CD68: variants seen among roughly 807,000 people sequenced by gnomAD.
CD68 encodes the protein macrosialin.
CD68 carries 24 observed loss-of-function variants against 31.3 expected under a neutral mutation model. The observed-to-expected ratio is 0.77, with a 90% CI of 0.55 to 1.08. CD68 has a LOEUF of 1.08. Among genes scored for constraint, CD68 ranks in the 50% least tolerant of loss-of-function variants. The pLI is 0.00. For synonymous variants in CD68, 190 were observed against 179.6 expected, an observed-to-expected ratio of 1.06 and a Z score of -0.46; for missense variants, 461 against 442.5, an observed-to-expected ratio of 1.04 and a Z score of -0.38.
rs1480306131 is a variant in CD68 at position 7,581,642 on chromosome 17, C to T, written c.*131C>T. On this transcript the variant is annotated 3_prime_UTR_variant, in exon 6 of 6. Transcript: ENST00000250092. Reference sequence around the variant, plus strand: ...CCTTTCTTGAAGAACAAAAAGAAAGCCGGGCATGACGGCTCATGCCTGTAA... The same window carrying T: ...CCTTTCTTGAAGAACAAAAAGAAAGTCGGGCATGACGGCTCATGCCTGTAA... The T allele has an allele frequency of 3.0e-6, 3 of 999,712 alleles. No homozygotes were observed. In the African/African-American group the frequency reaches 4.8e-5, roughly 16 times the overall value. 61.9% of individuals were successfully genotyped at this position (999,712 alleles called of 1,614,324 possible).
At chr17:7,581,148 T>G in intron 5 of CD68, 82 bp downstream of exon 5, 2 of 1,328,958 alleles carry the variant, frequency 1.5e-6, no homozygotes, top group African/African-American at 1.4e-5. Flanking sequence ...GCCACTCATC[T>G]CTCTTCTTAA....
chr17:7,580,111 A>G lies in CD68; in HGVS notation c.351A>G (p.Gly117=). 1 of 1,614,086 alleles carries G rather than the reference A, an allele frequency of 6.2e-7. No individual in the cohort carries two copies. The highest frequency in any genetic ancestry group is 2.2e-5 in the East Asian group (1 of 44,882). ...ATHSPATTSH[G]NATVHPTSNS... is the part of the protein sequence containing the mutation. ...ACAGTCCTGCCACCACTAGTCATGG[A>G]AATGCCACGGTTCATCCAACAAGCA... Residue 117 remains glycine, a synonymous_variant, in exon 2 of 6, where the codon GGA becomes GGG. Coordinates refer to ENST00000250092, the MANE Select transcript of CD68 (RefSeq NM_001251.3). The surrounding 1 kb of genome is among the most constrained non-coding windows in gnomAD (Gnocchi z 4.3).
Position 7,579,690 on chromosome 17 carries a change from G to A in CD68, c.13G>A (p.Val5Met), listed in dbSNP as rs759296087. The A allele has an allele frequency of 1.9e-6, 3 of 1,604,312 alleles. No homozygotes were observed. Among genetic ancestry groups the A allele is most frequent in the Non-Finnish European group, 2.6e-6 (3 of 1,176,238 alleles). MRLA[V>M]LFSGALLGLL... Reference sequence around the variant, plus strand: ...AGGCGGTTCAGCCATGAGGCTGGCTGTGCTTTTCTCGGGGGCCCTGCTGGG... The same window carrying A: ...AGGCGGTTCAGCCATGAGGCTGGCTATGCTTTTCTCGGGGGCCCTGCTGGG... The change falls in exon 1 of 6, where the codon GTG (valine) becomes ATG (methionine). Residue 5 changes from valine (V) to methionine (M), a missense_variant. Physicochemically the swap from Val to Met is conservative, Grantham distance 21. Transcript: ENST00000250092.
At position 7,580,660 on chromosome 17, in the gene CD68, CCTT is replaced by C; in HGVS notation, c.688-49_688-47del. 1 of 1,613,746 alleles carries C rather than the reference CCTT, an allele frequency of 6.2e-7. No individual in the cohort carries two copies. The highest frequency in any genetic ancestry group is 1.3e-5 in the African/African-American group (1 of 74,984). On this transcript the variant is annotated intron_variant, in intron 3 of 5. Coordinates refer to ENST00000250092, the MANE Select transcript of CD68 (RefSeq NM_001251.3). The surrounding 1 kb of genome is among the most constrained non-coding windows in gnomAD (Gnocchi z 4.3). Reference sequence around the variant, plus strand: ...TCCCCTCCCAATCCCACACGCTACTCCTTCCTCTGTGGAGAGGGATACCACCTG... The same window carrying C: ...TCCCCTCCCAATCCCACACGCTACTCCCTCTGTGGAGAGGGATACCACCTG...
chr17:7,581,564 T>C lies in CD68; in HGVS notation c.*53T>C, dbSNP rs1597856747. On this transcript the variant is annotated 3_prime_UTR_variant, in exon 6 of 6. Transcript: ENST00000250092. ...AGGGGGTTGGGGTGTGGTGGGGGGG[T>C]ACCCTTATTTCCTCGACACGCAACT... The C allele has an allele frequency of 1.9e-6, 3 of 1,577,922 alleles. No individual in the cohort carries two copies. Among genetic ancestry groups the C allele is most frequent in the Middle Eastern group, 1.7e-4 (1 of 5,970 alleles).
At chr17:7,581,242 C>G in intron 5 of CD68, 136 bp from the exon 6 acceptor site, 1 of 1,234,516 alleles carries the variant, frequency 8.1e-7, no homozygotes, top group Non-Finnish European at 1.2e-6. Flanking sequence ...CAGTTTCCCC[C>G]TTTTATCACT....
rs764061258 is a variant in CD68, at chr17:7,579,797, T to C, written c.50-13T>C. 8.7e-6 allele frequency: 14 copies of C among 1,609,986 alleles called. No homozygotes were observed. The highest frequency in any genetic ancestry group is 4.5e-5 in the East Asian group (2 of 44,798). ...CTGCCCTGGGTTGCTAACCATCTCC[T>C]CTCTGCCAAAAGCCCAGGGGACAGG... On this transcript the variant is annotated splice_polypyrimidine_tract_variant and intron_variant, in intron 1 of 5. Transcript: ENST00000250092.
rs1175304700 is a variant in CD68, at chr17:7,579,993, C to T, written c.233C>T (p.Thr78Ile). 1 of 1,609,274 alleles carries T rather than the reference C, an allele frequency of 6.2e-7. No individual in the cohort carries two copies. Among genetic ancestry groups the T allele is most frequent in the South Asian group, 1.1e-5 (1 of 90,912 alleles). ...ACCAGCCACGGACCCACGACTGCCA[C>T]TCACAACCCCACCACCACCAGCCAT... ...GTTSHGPTTA[T>I]HNPTTTSHGN... Residue 78 changes from threonine to isoleucine, a missense_variant, in exon 2 of 6, where the codon ACT (threonine) becomes ATT (isoleucine). Transcript: ENST00000250092.
rs748678269 is a variant in CD68 at position 7,579,732 on chromosome 17, G to A, written c.49+6G>A. 21 of 1,604,430 alleles carry A rather than the reference G, an allele frequency of 1.3e-5. No individual in the cohort carries two copies. The highest frequency in any genetic ancestry group is 1.1e-5 in the South Asian group (1 of 90,222). ...CCTGCTGGGGCTACTGGCAGGTAAG[G>A]AGGAAGGAGGCTGAGGGGAGGGGGC... On this transcript the variant is annotated splice_donor_region_variant and intron_variant, in intron 1 of 5. Coordinates refer to ENST00000250092, the MANE Select transcript of CD68 (RefSeq NM_001251.3).
Position 7,581,770 on chromosome 17 carries a change from T to G in CD68, c.*259T>G. On this transcript the variant is annotated 3_prime_UTR_variant, in exon 6 of 6. Transcript: ENST00000250092. ...AACCCTGTCTCTACTAAAAATACAA[T>G]TAGCCAGGTGTGGCGGCGTAATCCC... The G allele has an allele frequency of 2.5e-6, 1 of 401,074 alleles. No homozygotes were observed. Among genetic ancestry groups the G allele is most frequent in the Non-Finnish European group, 4.7e-6 (1 of 212,848 alleles). 24.8% of individuals were successfully genotyped at this position (401,074 alleles called of 1,614,324 possible).
At position 7,579,852 on chromosome 17, in the gene CD68, C is replaced by T. The variant is rs768392180; in HGVS notation, c.92C>T (p.Thr31Ile). The part of the protein sequence containing the change: ...GNDCPHKKSA[T>I]LLPSFTVTPT... ...GACTGTCCTCACAAAAAATCAGCTA[C>T]TTTGCTGCCATCCTTCACGGTGACA... is the stretch of plus-strand genomic sequence containing the variant. Residue 31 changes from threonine (T) to isoleucine (I), a missense_variant, in exon 2 of 6, where the codon ACT becomes ATT. Transcript: ENST00000250092. 7 of 1,614,062 alleles carry T rather than the reference C, an allele frequency of 4.3e-6. No homozygotes were observed. The highest frequency in any genetic ancestry group is 5.9e-6 in the Non-Finnish European group (7 of 1,179,992).
In CD68 at chr17:7,580,706, C is replaced by T. The variant is rs773841867; in HGVS notation, c.688-5C>T. 26 of 1,614,068 alleles carry T rather than the reference C, an allele frequency of 1.6e-5. No homozygotes were observed. The Admixed American group carries it at 4.3e-4, about 27-fold the overall frequency. On this transcript the variant is annotated splice_polypyrimidine_tract_variant and splice_region_variant and intron_variant, in intron 3 of 5. Coordinates refer to ENST00000250092, the MANE Select transcript of CD68 (RefSeq NM_001251.3). This position sits in a 1 kb window ranked among gnomAD's most constrained non-coding sequence, Gnocchi z 4.3. Reference sequence around the variant, plus strand: ...ACCACCTGCGCCTTCCTCTTCGCCCCACAGGACCTCCAGCAGAAGGTTGTC... The same window carrying T: ...ACCACCTGCGCCTTCCTCTTCGCCCTACAGGACCTCCAGCAGAAGGTTGTC...
chr17:7,581,042 C>A lies in CD68; in HGVS notation c.907C>A (p.Pro303Thr). The change falls in exon 5 of 6, where the codon CCC becomes ACC. Residue 303 changes from proline to threonine, a missense_variant. Pro to Thr is a conservative substitution (Grantham distance 38). Transcript: ENST00000250092. ...LSLRLQAAQL[P>T]HTGVFGQSFS... is the part of the protein sequence containing the mutation. ...CCTGAGGCTCCAGGCTGCTCAGCTG[C>A]CCCACACAGGGGTCTTTGGGCAAAG... The A allele has an allele frequency of 6.2e-7, 1 of 1,613,922 alleles. No individual in the cohort carries two copies. Among genetic ancestry groups the A allele is most frequent in the Non-Finnish European group, 8.5e-7 (1 of 1,179,934 alleles).
chr17:7,581,221 C>G (rs112617525), intron 5 of CD68, 155 bp downstream of exon 5: 13 of 1,167,272 alleles, frequency 1.1e-5, no homozygotes, highest in Non-Finnish European at 1.6e-5. Flanking sequence ...CCATCCTCTA[C>G]AAGACTCTGC....
At chr17:7,581,111 C>T (rs1347737429) in intron 5 of CD68, 45 bp downstream of exon 5, 2 of 1,528,280 alleles carry the variant, frequency 1.3e-6, no homozygotes, top group Admixed American at 1.7e-5. Flanking sequence ...TCCCACTGCA[C>T]TGAAAACCCC....
rs1597857014 is a variant in CD68, at chr17:7,581,846, A to T, written c.*335A>T. The T allele has an allele frequency of 3.6e-6, 1 of 278,854 alleles. No homozygotes were observed. Among genetic ancestry groups the T allele is most frequent in the Non-Finnish European group, 7.2e-6 (1 of 139,546 alleles). 17.3% of individuals were successfully genotyped at this position (278,854 alleles called of 1,614,324 possible). A position where few individuals can be genotyped will look rare whatever the true frequency, so the allele number is the denominator to read the frequency against. ...GGGAGGCTGAGGCAGAACTGCTTGA[A>T]CCCAGGAGGTGGAGGTTGCAGTGAG... On this transcript the variant is annotated 3_prime_UTR_variant, in exon 6 of 6. Transcript: ENST00000250092.
Position 7,579,894 on chromosome 17 carries a change from G to A in CD68, c.134G>A (p.Ser45Asn), listed in dbSNP as rs757843344. 1 of 1,613,936 alleles carries A rather than the reference G, an allele frequency of 6.2e-7. No individual in the cohort carries two copies. Among genetic ancestry groups the A allele is most frequent in the Admixed American group, 1.7e-5 (1 of 59,988 alleles). Residue 45 changes from serine to asparagine, a missense_variant, in exon 2 of 6, where the codon AGC (serine) becomes AAC (asparagine). Coordinates refer to ENST00000250092, the MANE Select transcript of CD68 (RefSeq NM_001251.3). ...SFTVTPTVTE[S>N]TGTTSHRTTK... is the part of the protein sequence containing the mutation. ...ACGGTGACACCCACGGTTACAGAGA[G>A]CACTGGAACAACCAGCCACAGGACT...
chr17:7,579,786 T>A (rs901273413), intron 1 of CD68, 24 bp from the exon 2 acceptor site: 3 of 1,607,356 alleles, frequency 1.9e-6, no homozygotes, highest in African/African-American at 1.3e-5. Context: ...CCTGGGTTGC[T>A]AACCATCTCC....
Position 7,581,358 on chromosome 17 carries a change from C to G in CD68, c.932-20C>G. 1.9e-6 allele frequency: 3 copies of G among 1,614,084 alleles called. No homozygotes were observed. The highest frequency in any genetic ancestry group is 1.7e-4 in the Middle Eastern group (1 of 6,058). On this transcript the variant is annotated intron_variant, in intron 5 of 5. Coordinates refer to ENST00000250092, the MANE Select transcript of CD68 (RefSeq NM_001251.3). ...CCAGCACGTCACTGCAAATACCTAC[C>G]TGCCCTATCCTTCCGCCAGGTTTCT... is the stretch of plus-strand genomic sequence containing the variant.
Sources: allele counts gnomAD v4.1 joint callset, GRCh38; gene constraint gnomAD v4.1.1; non-coding constraint Gnocchi (gnomAD v3.1); transcripts MANE v1.5; gene names NCBI Gene and HGNC (gene_info 2026-07-23, HGNC 2026-07-21).